IPO4: variants seen among roughly 807,000 people sequenced by gnomAD.
IPO4 encodes importin 4, also known as importin-4.
IPO4 carries 91 observed loss-of-function variants against 133.5 expected under a neutral mutation model. That is an observed-to-expected ratio of 0.68 (90% CI 0.58 to 0.81). The LOEUF (loss-of-function observed/expected upper bound fraction) is 0.81, where lower values mean the gene tolerates loss of function less well. IPO4 is among the 30% of genes least tolerant of loss of function. IPO4 has a pLI of 0.00. For missense variants in IPO4, 1,279 were observed against 1,386.2 expected, an observed-to-expected ratio of 0.92 and a Z score of 1.23; for synonymous variants, 607 against 581.6, an observed-to-expected ratio of 1.04 and a Z score of -0.63.
rs1370712535 is a variant in IPO4, at chr14:24,183,061, A to G, written c.2336T>C (p.Leu779Pro). Reference protein sequence around the residue: ...MAVLEALTGVLRSCGTLTLKP... With the variant: ...MAVLEALTGVPRSCGTLTLKP... ...CAGTGTGAGGGTCCCACAGCTGCGG[A>G]GCACCCCTGTCAGGGCCTCCAGCAC... Residue 779 changes from leucine (L) to proline (P), a missense_variant, in exon 23 of 30, where the codon CTC becomes CCC. Around this residue, in one of 3 missense-constraint regions of IPO4, gnomAD observed 575 missense variants for 653.4 expected, o/e 0.88. Coordinates refer to ENST00000354464, the MANE Select transcript of IPO4 (RefSeq NM_024658.4). 1 of 1,613,640 alleles carries G rather than the reference A, an allele frequency of 6.2e-7. No homozygotes were observed. The highest frequency in any genetic ancestry group is 1.3e-5 in the African/African-American group (1 of 74,896).
Position 24,185,114 on chromosome 14 carries a change from A to G in IPO4, c.1408+69T>C, listed in dbSNP as rs2138815080. On this transcript the variant is annotated intron_variant, in intron 14 of 29. Transcript: ENST00000354464. The stretch of plus-strand genomic sequence containing the variant: ...CACAGGCAGCAATGCAGGGAGATGC[A>G]CATCCTGTACATTCAGCCAAAGCCG... 3 of 1,602,942 alleles carry G rather than the reference A, an allele frequency of 1.9e-6. No individual in the cohort carries two copies. The South Asian group carries it at 3.3e-5, about 18-fold the overall frequency.
chr14:24,187,811 G>T lies in IPO4; in HGVS notation c.279-15C>A, dbSNP rs1421830385. 2 of 1,613,746 alleles carry T rather than the reference G, an allele frequency of 1.2e-6. No individual in the cohort carries two copies. Among genetic ancestry groups the T allele is most frequent in the Non-Finnish European group, 1.7e-6 (2 of 1,179,870 alleles). ...TCACACAGTGCCTGCAAACAGGAGA[G>T]ATCTCCTCCAATCACCCTTCAATAC... On this transcript the variant is annotated splice_polypyrimidine_tract_variant and intron_variant, in intron 4 of 29. Coordinates refer to ENST00000354464, the MANE Select transcript of IPO4 (RefSeq NM_024658.4).
Position 24,184,882 on chromosome 14 carries a change from C to A in IPO4, c.1507G>T (p.Ala503Ser), listed in dbSNP as rs566741453. Residue 503 changes from alanine (A) to serine (S), a missense_variant, in exon 15 of 30, where the codon GCC becomes TCC. Ala to Ser is a moderately conservative substitution (Grantham distance 99). Around this residue, in one of 3 missense-constraint regions of IPO4, gnomAD observed 695 missense variants for 704.1 expected, o/e 0.99. Coordinates refer to ENST00000354464, the MANE Select transcript of IPO4 (RefSeq NM_024658.4). Reference protein sequence around the residue: ...SPRAKELAVSALGAIATAAQA... With the variant: ...SPRAKELAVSSLGAIATAAQA... ...CTCTCCTCACCAATGGCTCCCAGGG[C>A]GCTCACAGCCAGCTCCTTGGCCCGG... 2 of 1,613,916 alleles carry A rather than the reference C, an allele frequency of 1.2e-6. No homozygotes were observed. The highest frequency in any genetic ancestry group is 8.5e-7 in the Non-Finnish European group (1 of 1,179,882).
rs375016529 is a variant in IPO4, at chr14:24,182,302, G to A, written c.2574C>T (p.Phe858=). The A allele has an allele frequency of 5.6e-6, 9 of 1,613,988 alleles. No individual in the cohort carries two copies. In the African/African-American group the frequency reaches 1.1e-4, roughly 19 times the overall value. The part of the protein sequence containing the change: ...GDSFAPFFAG[F]LPLLVCKTKQ... The stretch of plus-strand genomic sequence containing the variant: ...CTGTCTTGCACACCAATAATGGCAG[G>A]AAACCGGCAAAGAATGGGGCAAAGG... The change falls in exon 25 of 30, where the codon TTC becomes TTT. Residue 858 remains phenylalanine, a synonymous_variant. Coordinates refer to ENST00000354464, the MANE Select transcript of IPO4 (RefSeq NM_024658.4).
Position 24,183,612 on chromosome 14 carries a change from C to T in IPO4, c.2041G>A (p.Gly681Arg), listed in dbSNP as rs749026018. The change falls in exon 20 of 30, where the codon GGG (glycine) becomes AGG (arginine). Residue 681 changes from glycine to arginine, a missense_variant. Transcript: ENST00000354464. ...CACCTGGTGTTCACAGAGATCTCCC[C>T]CACGGCAGCACAGGTGTCTTCCTTC... is the stretch of plus-strand genomic sequence containing the variant. ...DEKEDTCAAV[G>R]EISVNTSVAF... is the part of the protein sequence containing the mutation. 4 of 1,614,046 alleles carry T rather than the reference C, an allele frequency of 2.5e-6. 1 individual carries two copies. The highest frequency in any genetic ancestry group is 2.7e-5 in the African/African-American group (2 of 74,924).
chr14:24,183,196 A>T (rs746403630), intron 22 of IPO4, 27 bp from the exon 23 acceptor site: 1 of 1,610,670 alleles, frequency 6.2e-7, no homozygotes, highest in Non-Finnish European at 8.5e-7. Context: ...CTGAAGCACC[A>T]GTCAGGCCCT....
Position 24,185,841 on chromosome 14 carries a change from T to C in IPO4, c.1169+20A>G, listed in dbSNP as rs1209983267. 7 of 1,593,454 alleles carry C rather than the reference T, an allele frequency of 4.4e-6. No homozygotes were observed. Among genetic ancestry groups the C allele is most frequent in the African/African-American group, 1.3e-5 (1 of 74,604 alleles). On this transcript the variant is annotated intron_variant, in intron 12 of 29. Transcript: ENST00000354464. ...TCCTCCCTGTGGGCAACCCTCACCC[T>C]GGGACAGGGGAATACATACCTCTGC...
chr14:24,185,888 TCAGA>T lies in IPO4; in HGVS notation c.1138_1141del (p.Ser380ThrfsTer56), dbSNP rs776986989. 4 of 1,613,746 alleles carry T rather than the reference TCAGA, an allele frequency of 2.5e-6. No homozygotes were observed. Among genetic ancestry groups the T allele is most frequent in the East Asian group, 2.2e-5 (1 of 44,892 alleles). On this transcript the variant is annotated frameshift_variant, in exon 12 of 30. Transcript: ENST00000354464. LOFTEE classifies it high-confidence loss of function. ...CTGCCTGATGTGGTCGCCAGCTCCG[TCAGA>T]CAGCACGGCCAGCACCAGGAGTCCA... is the stretch of plus-strand genomic sequence containing the variant.
chr14:24,188,705 C>A lies in IPO4; in HGVS notation c.69+14G>T. 1 of 1,591,416 alleles carries A rather than the reference C, an allele frequency of 6.3e-7. No homozygotes were observed. Among genetic ancestry groups the A allele is most frequent in the Non-Finnish European group, 8.6e-7 (1 of 1,166,922 alleles). Reference sequence around the variant, plus strand: ...CCTCCCGCTCGCCCTGGCCCGGTTACGCCTGCTCCGTACCCGACGGATGCG... The same window carrying A: ...CCTCCCGCTCGCCCTGGCCCGGTTAAGCCTGCTCCGTACCCGACGGATGCG... On this transcript the variant is annotated intron_variant, in intron 1 of 29. Transcript: ENST00000354464.
Position 24,183,580 on chromosome 14 carries a change from G to A in IPO4, c.2063+10C>T, listed in dbSNP as rs746067641. 15 of 1,614,096 alleles carry A rather than the reference G, an allele frequency of 9.3e-6. No homozygotes were observed. Among genetic ancestry groups the A allele is most frequent in the Middle Eastern group, 1.6e-4 (1 of 6,062 alleles). ...AGGGTTTTCAGTGCCAGGGAAGGGC[G>A]AATGCTCACCTGGTGTTCACAGAGA... On this transcript the variant is annotated intron_variant, in intron 20 of 29. Transcript: ENST00000354464.
chr14:24,188,450 G>T (rs2039259350), intron 2 of IPO4, 27 bp from the exon 3 acceptor site: 1 of 1,609,718 alleles, frequency 6.2e-7, no homozygotes, highest in African/African-American at 1.3e-5. Flanking sequence ...AGCACGTGGG[G>T]GTCCGGGCAG....
rs1342255426 is a variant in IPO4 at position 24,183,529 on chromosome 14, C to T, written c.2064-16G>A. ...GAAGGCCACACTACAGAGAGAGACA[C>T]AGCCGTGGGTAAGGGGCCCCCAGGC... On this transcript the variant is annotated splice_polypyrimidine_tract_variant and intron_variant, in intron 20 of 29. Coordinates refer to ENST00000354464, the MANE Select transcript of IPO4 (RefSeq NM_024658.4). The T allele has an allele frequency of 1.9e-6, 3 of 1,613,922 alleles. No homozygotes were observed. The highest frequency in any genetic ancestry group is 1.7e-6 in the Non-Finnish European group (2 of 1,179,992).
At position 24,184,086 on chromosome 14, in the gene IPO4, G is replaced by C; in HGVS notation, c.1781C>G (p.Ser594Trp). Residue 594 changes from serine to tryptophan, a missense_variant, in exon 18 of 30, where the codon TCG (serine) becomes TGG (tryptophan). Ser to Trp is a radical substitution (Grantham distance 177). Coordinates refer to ENST00000354464, the MANE Select transcript of IPO4 (RefSeq NM_024658.4). ...RCTYSLFAAL[S>W]GLMGEGLAPH... ...CGCCAGGCCCTCACCCATCAGACCC[G>C]ATAAGGCTGCAAATAGGCTGTACCT... 1 of 1,604,236 alleles carries C rather than the reference G, an allele frequency of 6.2e-7. No individual in the cohort carries two copies. The highest frequency in any genetic ancestry group is 8.5e-7 in the Non-Finnish European group (1 of 1,175,396).
intron 21 of IPO4, 49 bp downstream of exon 21, chr14:24,183,405 CAG>C (rs770667496): frequency 2.5e-6 from 4 of 1,593,758 alleles, no homozygotes; most frequent in South Asian, 1.1e-5. Flanking sequence ...ACCGTGAACA[CAG>C]GGCCCCCAGC....
Position 24,183,607 on chromosome 14 carries a change from C to T in IPO4, c.2046G>A (p.Glu682=), listed in dbSNP as rs202114287. The T allele has an allele frequency of 1.9e-3, 3,072 of 1,614,158 alleles. 2 individuals are homozygous for T. The highest frequency in any genetic ancestry group is 2.4e-3 in the Non-Finnish European group (2,784 of 1,180,026). Residue 682 remains glutamate (E), a synonymous_variant, in exon 20 of 30, where the codon GAG becomes GAA. Transcript: ENST00000354464. ...ATGCTCACCTGGTGTTCACAGAGAT[C>T]TCCCCCACGGCAGCACAGGTGTCTT... The part of the protein sequence containing the change: ...EKEDTCAAVG[E]ISVNTSVAFL...
rs375766678 is a variant in IPO4, at chr14:24,188,241, G to A, written c.253C>T (p.Leu85=). The A allele has an allele frequency of 4.8e-5, 77 of 1,613,656 alleles. No homozygotes were observed. Among genetic ancestry groups the A allele is most frequent in the Non-Finnish European group, 6.3e-5 (74 of 1,179,864 alleles). Reference sequence around the variant, plus strand: ...TCTGTTTCTCTCTGCAGGGCCGTCAGGATCAGGGACTTGAGGCTGGAACAC... The same window carrying A: ...TCTGTTTCTCTCTGCAGGGCCGTCAAGATCAGGGACTTGAGGCTGGAACAC... ...EQRESLKSLI[L]TALQRETEHC... is the part of the protein sequence containing the mutation. The change falls in exon 4 of 30, where the codon CTG becomes TTG. Residue 85 remains leucine, a synonymous_variant. Coordinates refer to ENST00000354464, the MANE Select transcript of IPO4 (RefSeq NM_024658.4).
At chr14:24,187,306 G>C in intron 6 of IPO4, 94 bp downstream of exon 6, 5 of 1,509,718 alleles carry the variant, frequency 3.3e-6, no homozygotes, top group Non-Finnish European at 4.6e-6. Flanking sequence ...GCCACAGGCA[G>C]GTAAAGAATC....
At chr14:24,187,931 T>C in intron 4 of IPO4, 135 bp from the exon 5 acceptor site, 1 of 1,101,214 alleles carries the variant, frequency 9.1e-7, no homozygotes, top group Non-Finnish European at 1.3e-6. Context: ...TTGGGACACA[T>C]GAGACAGCAG....
In IPO4 at chr14:24,180,337, G is replaced by A; in HGVS notation, c.*105C>T. 3.3e-6 allele frequency: 5 copies of A among 1,508,702 alleles called. No homozygotes were observed. The highest frequency in any genetic ancestry group is 2.4e-5 in the East Asian group (1 of 41,784). The allele number at this position is 1,508,702 out of a possible 1,614,324, so 93.5% of individuals were successfully genotyped here. A position where few individuals can be genotyped will look rare whatever the true frequency, so the allele number is the denominator to read the frequency against. On this transcript the variant is annotated 3_prime_UTR_variant, in exon 30 of 30. Coordinates refer to ENST00000354464, the MANE Select transcript of IPO4 (RefSeq NM_024658.4). The stretch of plus-strand genomic sequence containing the variant: ...AGCAAGTGGGGCTGGCTCCAAATGG[G>A]TATGAGTCTCAGAATCTTTGGTAAG...
Sources: allele counts gnomAD v4.1 joint callset, GRCh38; gene constraint gnomAD v4.1.1; regional missense constraint gnomAD v4.1.1; transcripts MANE v1.5; gene names NCBI Gene and HGNC (gene_info 2026-07-23, HGNC 2026-07-21).